ADAMTS2: variants seen among roughly 807,000 people sequenced by gnomAD.
The protein encoded by ADAMTS2 is A disintegrin and metalloproteinase with thrombospondin motifs 2.
A neutral mutation model predicts 123.0 loss-of-function variants in ADAMTS2; 50 were observed. The observed-to-expected ratio is 0.41, with a 90% CI of 0.32 to 0.51. ADAMTS2 has a LOEUF of 0.51. ADAMTS2 is among the 20% of genes least tolerant of loss of function. The pLI is 0.35. For synonymous variants in ADAMTS2, 678 were observed against 695.4 expected (o/e 0.98, Z 0.39); for missense variants, 1,494 against 1,705.2 (o/e 0.88, Z 2.18).
intron 2 of ADAMTS2, among the ~76,000 whole-genome samples, chr5:179,280,625 G>T (rs578000216): frequency 2.6e-4 from 40 of 152,248 alleles, no homozygotes; most frequent in African/African-American, 8.7e-4. Context: ...CCTTCCATGG[G>T]GTCCCAGCAG....
Position 179,158,752 on chromosome 5 carries a change from C to A in ADAMTS2, c.1103G>T (p.Arg368Leu), listed in dbSNP as rs146441575. Residue 368 changes from arginine (R) to leucine (L), a missense_variant, in exon 6 of 22, where the codon CGG becomes CTG. By Grantham distance (102) the Arg-to-Leu change is moderately radical. This residue lies in a region of ADAMTS2 where 47 missense variants were observed against 92.7 expected (regional missense o/e 0.51). Transcript: ENST00000251582. This position sits in a 1 kb window ranked among gnomAD's most constrained non-coding sequence, Gnocchi z 5.0. ...CATGCCGGAAGGCCCAAAGTCCTGCCGTGTGAGGAAGATGGCGTGATCGTG... is the reference window on the plus strand; with the variant it reads ...CATGCCGGAAGGCCCAAAGTCCTGCAGTGTGAGGAAGATGGCGTGATCGTG... ...EYHDHAIFLTRQDFGPSGMQG... is the reference protein window; with the variant it reads ...EYHDHAIFLTLQDFGPSGMQG... 1 of 1,614,226 alleles carries A rather than the reference C, an allele frequency of 6.2e-7. No individual in the cohort carries two copies. Among genetic ancestry groups the A allele is most frequent in the Non-Finnish European group, 8.5e-7 (1 of 1,180,050 alleles).
intron 5 of ADAMTS2, among the ~76,000 whole-genome samples, chr5:179,171,035 C>T (rs915979862): frequency 1.1e-4 from 17 of 152,162 alleles, no homozygotes; most frequent in East Asian, 3.8e-4. Flanking sequence ...AGCAATTGGA[C>T]GGGTTGAGTT....
In ADAMTS2 at chr5:179,112,687, A is replaced by G. The variant is rs900907082; in HGVS notation, c.*1180T>C. Reference sequence around the variant, plus strand: ...GCAAGCAAAGCCCACAAAGCCCAGAATCCCAGAACCCTTAGACTTGGCCGT... The same window carrying G: ...GCAAGCAAAGCCCACAAAGCCCAGAGTCCCAGAACCCTTAGACTTGGCCGT... On this transcript the variant is annotated 3_prime_UTR_variant, in exon 22 of 22. Coordinates refer to ENST00000251582, the MANE Select transcript of ADAMTS2 (RefSeq NM_014244.5). 4 of 152,390 alleles carry G rather than the reference A, an allele frequency of 2.6e-5. No individual in the cohort carries two copies. The highest frequency in any genetic ancestry group is 9.7e-5 in the African/African-American group (4 of 41,438). 9.4% of individuals were successfully genotyped at this position (152,390 alleles called of 1,614,324 possible).
At position 179,197,672 on chromosome 5, in the gene ADAMTS2, G is replaced by C. The variant is rs527568886; in HGVS notation, c.891+9841C>G. Among the ~76,000 whole-genome samples the C allele has an allele frequency of 6.6e-6, 1 of 152,110 alleles. No individual in the cohort carries two copies. Among genetic ancestry groups the C allele is most frequent in the Non-Finnish European group, 1.5e-5 (1 of 68,026 alleles). On this transcript the variant is annotated intron_variant, in intron 4 of 21. Coordinates refer to ENST00000251582, the MANE Select transcript of ADAMTS2 (RefSeq NM_014244.5). The surrounding 1 kb of genome is among the most constrained non-coding windows in gnomAD (Gnocchi z 4.2). ...CAGTGAGCTATGATTGCAGCACTAC[G>C]CTCCAGCCTGGGTGACTGAGTGAGA...
chr5:179,190,959 T>C (rs1413508159), intron 4 of ADAMTS2, among the ~76,000 whole-genome samples: 1 of 152,252 alleles, frequency 6.6e-6, no homozygotes. Context: ...GACCCAGCCC[T>C]GGAGCTCTCC....
chr5:179,318,383 G>A (rs1757059773), intron 2 of ADAMTS2, among the ~76,000 whole-genome samples: 1 of 151,806 alleles, frequency 6.6e-6, no homozygotes, highest in Non-Finnish European at 1.5e-5. Flanking sequence ...GAGAGGCGGG[G>A]CCAGCTAGAC....
At chr5:179,251,163 C>T (rs1765914114) in intron 3 of ADAMTS2, among the ~76,000 whole-genome samples, 2 of 152,190 alleles carry the variant, frequency 1.3e-5, no homozygotes, top group East Asian at 1.9e-4. Context: ...ATCTCTGAGC[C>T]TTCCATCCCT....
intron 5 of ADAMTS2, among the ~76,000 whole-genome samples, chr5:179,163,559 TC>T (rs1763639968): frequency 6.6e-6 from 1 of 152,136 alleles, no homozygotes; most frequent in South Asian, 2.1e-4. Context: ...ACCACTTTAT[TC>T]CAGAACCCTG....
At chr5:179,240,443 C>T (rs537320214) in intron 3 of ADAMTS2, among the ~76,000 whole-genome samples, 21 of 152,176 alleles carry the variant, frequency 1.4e-4, no homozygotes, top group African/African-American at 5.1e-4. Flanking sequence ...TGTGAGAGAC[C>T]GTGACAAGGC....
At position 179,114,107 on chromosome 5, in the gene ADAMTS2, C is replaced by T. The variant is rs1762619793; in HGVS notation, c.3396G>A (p.Val1132=). Residue 1132 remains valine, a synonymous_variant, in exon 22 of 22, where the codon GTG becomes GTA. Transcript: ENST00000251582. ...CCAGGGGGGTGCTTGGTGATGGCCG[C>T]ACCTCCATGGCTACAGTGGGCACTG... ...TLPVPTVAME[V]RPSPSTPLEV... The T allele has an allele frequency of 3.7e-6, 6 of 1,614,068 alleles. 1 individual carries two copies. In the African/African-American group the frequency reaches 5.3e-5, roughly 14 times the overall value.
intron 4 of ADAMTS2, among the ~76,000 whole-genome samples, chr5:179,195,356 T>C (rs1429566382): frequency 6.6e-6 from 1 of 152,212 alleles, no homozygotes; most frequent in Admixed American, 6.5e-5. Context: ...GGCAGTCGCC[T>C]CCTTCCTTCT....
chr5:179,220,790 G>A (rs1177421375), intron 3 of ADAMTS2, among the ~76,000 whole-genome samples: 2 of 152,198 alleles, frequency 1.3e-5, no homozygotes, highest in Non-Finnish European at 2.9e-5. Flanking sequence ...CCTTGTTGTG[G>A]CCTTCACGTC....
At chr5:179,157,802 T>C (rs1763506682) in intron 6 of ADAMTS2, among the ~76,000 whole-genome samples, 1 of 152,266 alleles carries the variant, frequency 6.6e-6, no homozygotes, top group Non-Finnish European at 1.5e-5. Flanking sequence ...TTGTCTTTAT[T>C]ATCCTTATTA....
Position 179,182,256 on chromosome 5 carries a change from A to G in ADAMTS2, c.892-1101T>C, listed in dbSNP as rs183385719. Among the ~76,000 whole-genome samples, 10 of 152,286 alleles carry G rather than the reference A, an allele frequency of 6.6e-5. No homozygotes were observed. The East Asian group carries it at 1.9e-3, about 30-fold the overall frequency. ...CAGCACCTGGCAGGCACTCAGGGAT[A>G]CCCGCTGAAAGGCTGAAGCCATTGG... On this transcript the variant is annotated intron_variant, in intron 4 of 21. Coordinates refer to ENST00000251582, the MANE Select transcript of ADAMTS2 (RefSeq NM_014244.5).
chr5:179,172,572 A>G (rs1019276590), intron 5 of ADAMTS2, among the ~76,000 whole-genome samples: 1 of 152,206 alleles, frequency 6.6e-6, no homozygotes, highest in Non-Finnish European at 1.5e-5. Flanking sequence ...CATTTCCTTC[A>G]GGTGGACCCG....
chr5:179,180,815 C>T lies in ADAMTS2; in HGVS notation c.975+257G>A, dbSNP rs1207715173. 1.3e-5 allele frequency among the ~76,000 whole-genome samples: 2 copies of T among 152,158 alleles called. No homozygotes were observed. Among genetic ancestry groups the T allele is most frequent in the African/African-American group, 2.4e-5 (1 of 41,432 alleles). ...CCCTGGTGCCTCCCTGTGTGGCCCC[C>T]GTGGCCTGGTATGTCTCTTCCTCTT... On this transcript the variant is annotated intron_variant, in intron 5 of 21. Coordinates refer to ENST00000251582, the MANE Select transcript of ADAMTS2 (RefSeq NM_014244.5). The surrounding 1 kb of genome is among the most constrained non-coding windows in gnomAD (Gnocchi z 4.6).
At chr5:179,135,347 C>A (rs1211909023) in intron 13 of ADAMTS2, among the ~76,000 whole-genome samples, 1 of 152,226 alleles carries the variant, frequency 6.6e-6, no homozygotes, top group African/African-American at 2.4e-5. Flanking sequence ...TTCGGGGGAG[C>A]CTGGCAGGGA....
At chr5:179,174,012 CAAAAAAA>C (rs371293189) in intron 5 of ADAMTS2, among the ~76,000 whole-genome samples, 3 of 64,944 alleles carry the variant, frequency 4.6e-5, no homozygotes, top group Non-Finnish European at 6.4e-5. Context: ...GACTCCATCT[CAAAAAAA>C]AAAAAAAAAA....
intron 4 of ADAMTS2, among the ~76,000 whole-genome samples, chr5:179,201,424 C>T (rs931483446): frequency 3.3e-5 from 5 of 152,042 alleles, no homozygotes; most frequent in Admixed American, 6.5e-5. Flanking sequence ...ATTAAAACAA[C>T]GTAGTAGACA....
Sources: gnomAD v4.1 joint callset for allele counts (sites outside exome capture counted in the v4.1 genomes callset) on GRCh38, gnomAD v4.1.1 for gene constraint, gnomAD v4.1.1 regional missense constraint, Gnocchi (gnomAD v3.1) non-coding constraint, MANE v1.5 for transcripts, NCBI Gene and HGNC (gene_info 2026-07-23, HGNC 2026-07-21) for gene names.